The following C12orf56 variants were observed in gnomAD, a reference collection of about 807,000 sequenced individuals.
C12orf56 encodes uncharacterized protein C12orf56.
Under a neutral mutation model 69.9 loss-of-function variants are expected in C12orf56, and 71 were observed. That is an observed-to-expected ratio of 1.02 (90% confidence interval 0.84 to 1.24). The LOEUF is 1.24. Among genes scored for constraint, C12orf56 ranks in the 50% most tolerant of loss-of-function variants. C12orf56 has a pLI of 0.00. For synonymous variants in C12orf56, 276 were observed against 274.1 expected, an observed-to-expected ratio of 1.01 and a Z score of -0.07; for missense variants, 732 against 738.5, an observed-to-expected ratio of 0.99 and a Z score of 0.10.
At chr12:64,316,436 C>T (rs1011984886) in intron 4 of C12orf56, among the ~76,000 whole-genome samples, 2 of 152,060 alleles carry the variant, frequency 1.3e-5, no homozygotes, top group Non-Finnish European at 2.9e-5. Flanking sequence ...GCTTATTGCC[C>T]AGGATGGAGT....
intron 1 of C12orf56, among the ~76,000 whole-genome samples, chr12:64,368,697 C>T (rs1376085323): frequency 2.0e-5 from 3 of 152,112 alleles, no homozygotes; most frequent in Admixed American, 6.6e-5. Flanking sequence ...AGTACATCAT[C>T]GCCAAACTGG....
In C12orf56 at chr12:64,337,851, T is replaced by C. The variant is rs889847266; in HGVS notation, c.416-6819A>G. The stretch of plus-strand genomic sequence containing the variant: ...CAGCCTGGGTAACAGAGCAAAATTC[T>C]GTCAAAAAAAAAAAAAAAAAAAACA... On this transcript the variant is annotated intron_variant, in intron 2 of 12. Coordinates refer to ENST00000543942, the MANE Select transcript of C12orf56 (RefSeq NM_001170633.2). 1.1e-4 allele frequency among the ~76,000 whole-genome samples: 11 copies of C among 104,580 alleles called. 1 individual carries two copies. Among genetic ancestry groups the C allele is most frequent in the African/African-American group, 3.7e-4 (10 of 26,842 alleles). 68.6% of individuals were successfully genotyped at this position (104,580 alleles called of 152,430 possible).
At chr12:64,329,122 A>G (rs2038892221) in intron 3 of C12orf56, among the ~76,000 whole-genome samples, 1 of 151,952 alleles carries the variant, frequency 6.6e-6, no homozygotes, top group African/African-American at 2.4e-5. Context: ...CTTCTTTCCC[A>G]CCTTCCAGAC....
At chr12:64,329,834 T>C (rs1183624508) in intron 3 of C12orf56, among the ~76,000 whole-genome samples, 2 of 151,776 alleles carry the variant, frequency 1.3e-5, no homozygotes, top group African/African-American at 4.8e-5. Flanking sequence ...ATTTCATCCA[T>C]GTCCCTATAA....
intron 1 of C12orf56, among the ~76,000 whole-genome samples, chr12:64,353,370 C>A (rs1339680856): frequency 6.6e-6 from 1 of 152,116 alleles, no homozygotes; most frequent in African/African-American, 2.4e-5. Flanking sequence ...GTTGGCCAGG[C>A]TGGTCTCGAA....
intron 1 of C12orf56, among the ~76,000 whole-genome samples, chr12:64,353,420 G>A (rs1227216151): frequency 6.6e-6 from 1 of 151,250 alleles, no homozygotes; most frequent in African/African-American, 2.4e-5. Flanking sequence ...GCCTCCCACA[G>A]TGCTGGGATT....
At chr12:64,328,694 AAAAAAAAAAAAAATATATATATATATAT>A (rs1565758453) in intron 3 of C12orf56, among the ~76,000 whole-genome samples, 1 of 18,042 alleles carries the variant, frequency 5.5e-5, no homozygotes, top group Non-Finnish European at 1.1e-4. Flanking sequence ...AAAAAAAAAA[AAAAAAAAAAAAAATATATATATATATAT>A]ATATATATAT....
At chr12:64,366,207 T>A (rs1392539581) in intron 1 of C12orf56, among the ~76,000 whole-genome samples, 1 of 90,666 alleles carries the variant, frequency 1.1e-5, no homozygotes, top group Admixed American at 1.4e-4. Context: ...ATAGCTTGTA[T>A]AATATACAGT....
chr12:64,293,491 G>C (rs1287166141), intron 6 of C12orf56: 1 of 152,140 alleles, frequency 6.6e-6, no homozygotes, highest in Admixed American at 6.6e-5. Flanking sequence ...CTGTCGCTCA[G>C]TTTCTTTGTC....
chr12:64,269,262 G>A (rs1473357512), intron 12 of C12orf56, among the ~76,000 whole-genome samples: 2 of 151,914 alleles, frequency 1.3e-5, no homozygotes, highest in Non-Finnish European at 2.9e-5. Flanking sequence ...AGCTGTGTCC[G>A]CTGTACCCTT....
Position 64,390,556 on chromosome 12 carries a change from G to T in C12orf56, c.10C>A (p.Pro4Thr), listed in dbSNP as rs1255283432. 3.2e-6 allele frequency: 5 copies of T among 1,583,650 alleles called. No homozygotes were observed. The African/African-American group carries it at 4.0e-5, about 13-fold the overall frequency. The change falls in exon 1 of 13, where the codon CCC (proline) becomes ACC (threonine). Residue 4 changes from proline to threonine, a missense_variant. Coordinates refer to ENST00000543942, the MANE Select transcript of C12orf56 (RefSeq NM_001170633.2). Reference protein sequence around the residue: MASPLPSGFPARRN... With the variant: MASTLPSGFPARRN... ...CGCGCGGGGAAGCCGGACGGCAAGGGGCTGGCCATGCCCGGCGCCCGCAGC... is the reference window on the plus strand; with the variant it reads ...CGCGCGGGGAAGCCGGACGGCAAGGTGCTGGCCATGCCCGGCGCCCGCAGC...
intron 1 of C12orf56, among the ~76,000 whole-genome samples, chr12:64,377,498 A>C (rs1363525872): frequency 6.6e-6 from 1 of 152,078 alleles, no homozygotes; most frequent in Non-Finnish European, 1.5e-5. Flanking sequence ...CTCTTGGCCC[A>C]CTTTTTAATA....
chr12:64,388,610 C>CTG (rs1166566865), intron 1 of C12orf56, among the ~76,000 whole-genome samples: 1 of 152,216 alleles, frequency 6.6e-6, no homozygotes, highest in Non-Finnish European at 1.5e-5. Context: ...AGGCCAGGTG[C>CTG]TGTGGCTCTT....
At chr12:64,271,679 C>T (rs1236425742) in intron 11 of C12orf56, among the ~76,000 whole-genome samples, 2 of 152,168 alleles carry the variant, frequency 1.3e-5, no homozygotes, top group Non-Finnish European at 2.9e-5. Flanking sequence ...AGACCATTTA[C>T]ATGTGTTGAC....
At position 64,270,764 on chromosome 12, in the gene C12orf56, G is replaced by C. The variant is rs766884022; in HGVS notation, c.1585-50C>G. 5 of 1,476,152 alleles carry C rather than the reference G, an allele frequency of 3.4e-6. No homozygotes were observed. The Admixed American group carries it at 1.1e-4, about 32-fold the overall frequency. 91.4% of individuals were successfully genotyped at this position (1,476,152 alleles called of 1,614,324 possible). On this transcript the variant is annotated intron_variant, in intron 11 of 12. Transcript: ENST00000543942. ...TGTAGGCTGTGTGCCACCCACAAAA[G>C]CAACTATTTCAGCTGGAGCTTCAAC...
At chr12:64,361,060 A>T (rs1017149558) in intron 1 of C12orf56, among the ~76,000 whole-genome samples, 6 of 152,052 alleles carry the variant, frequency 3.9e-5, no homozygotes, top group Non-Finnish European at 7.4e-5. Context: ...CTCTACTAAA[A>T]ATACAAAAAT....
chr12:64,386,398 A>ATATATTT (rs752756817), intron 1 of C12orf56, among the ~76,000 whole-genome samples: 2,525 of 87,144 alleles, frequency 0.029, 70 homozygotes, highest in African/African-American at 0.078. Flanking sequence ...ATATATATAT[A>ATATATTT]TTTTTTTTTT....
chr12:64,389,091 A>G (rs1003844123), intron 1 of C12orf56: 1 of 152,088 alleles, frequency 6.6e-6, no homozygotes, highest in Non-Finnish European at 1.5e-5. Context: ...CGTCTCGCCA[A>G]CCTCTCCCTT....
At chr12:64,346,912 A>G (rs568847754) in intron 2 of C12orf56, among the ~76,000 whole-genome samples, 1 of 152,320 alleles carries the variant, frequency 6.6e-6, no homozygotes, top group Non-Finnish European at 1.5e-5. Flanking sequence ...CACGGTCTGA[A>G]AAAGAAAATA....
Sources: allele counts gnomAD v4.1 joint callset (sites outside exome capture counted in the v4.1 genomes callset), GRCh38; gene constraint gnomAD v4.1.1; transcripts MANE v1.5; gene names NCBI Gene and HGNC (gene_info 2026-07-23, HGNC 2026-07-21).